Variants in CDKAL1 observed in about 807,000 individuals in gnomAD.
CDKAL1 encodes CDKAL1 threonylcarbamoyladenosine tRNA methylthiotransferase.
Under a neutral mutation model 68.2 loss-of-function variants are expected in CDKAL1, and 32 were observed. The ratio of observed to expected loss-of-function variants is 0.47; its 90% CI spans 0.35 to 0.63. CDKAL1 has a LOEUF of 0.63. CDKAL1 is among the 30% of genes least tolerant of loss of function. The pLI is 0.00. For missense variants in CDKAL1, 606 were observed against 696.7 expected (o/e 0.87, Z 1.47); for synonymous variants, 234 against 244.3 (o/e 0.96, Z 0.39).
At chr6:21,191,657 C>G (rs1778242538) in intron 13 of CDKAL1, among the ~76,000 whole-genome samples, 1 of 152,020 alleles carries the variant, frequency 6.6e-6, no homozygotes, top group Non-Finnish European at 1.5e-5. Flanking sequence ...CCTTAGTTCT[C>G]TCCCTGTGAA....
rs114325352 is a variant in CDKAL1 at position 21,230,844 on chromosome 6, A to T, written c.1549-4A>T. 1 of 1,597,742 alleles carries T rather than the reference A, an allele frequency of 6.3e-7. No individual in the cohort carries two copies. ...AATTTTTTCCTCTGTTTCTCTCTTT[A>T]TAGGACTTCAGAAATGGGCTTGGGA... On this transcript the variant is annotated splice_polypyrimidine_tract_variant and splice_region_variant and intron_variant, in intron 15 of 15. Coordinates refer to ENST00000274695, the MANE Select transcript of CDKAL1 (RefSeq NM_017774.3).
At chr6:20,659,406 C>CA (rs1166597612) in intron 5 of CDKAL1, among the ~76,000 whole-genome samples, 8 of 152,000 alleles carry the variant, frequency 5.3e-5, no homozygotes, top group Admixed American at 1.3e-4. Flanking sequence ...GTGCTTTTAC[C>CA]AGTCACAATC....
At chr6:20,736,830 T>A (rs1380028076) in intron 5 of CDKAL1, among the ~76,000 whole-genome samples, 1 of 151,904 alleles carries the variant, frequency 6.6e-6, no homozygotes, top group East Asian at 1.9e-4. Flanking sequence ...TTGCCTAGGG[T>A]ATTAAATTAA....
chr6:20,774,871 C>G (rs1384241322), intron 7 of CDKAL1, among the ~76,000 whole-genome samples: 1 of 152,126 alleles, frequency 6.6e-6, no homozygotes, highest in East Asian at 1.9e-4. Flanking sequence ...TAAATAACTG[C>G]TGAAAACCTC....
chr6:21,002,240 G>T (rs1284675866), intron 11 of CDKAL1, among the ~76,000 whole-genome samples: 1 of 152,160 alleles, frequency 6.6e-6, no homozygotes, highest in Non-Finnish European at 1.5e-5. Context: ...CTGAGTTATT[G>T]TGAGGCATCT....
At chr6:20,579,078 A>G (rs1237177319) in intron 4 of CDKAL1, among the ~76,000 whole-genome samples, 1 of 152,178 alleles carries the variant, frequency 6.6e-6, no homozygotes, top group Non-Finnish European at 1.5e-5. Context: ...CCTGGGTTCA[A>G]GCGATTCTCC....
chr6:20,708,404 C>T (rs1226769341), intron 5 of CDKAL1, among the ~76,000 whole-genome samples: 2 of 152,022 alleles, frequency 1.3e-5, no homozygotes, highest in Non-Finnish European at 2.9e-5. Context: ...AATTTCTATC[C>T]TTTTCTATGT....
At chr6:20,579,303 A>C (rs1002789658) in intron 4 of CDKAL1, among the ~76,000 whole-genome samples, 1 of 152,130 alleles carries the variant, frequency 6.6e-6, no homozygotes, top group Non-Finnish European at 1.5e-5. Flanking sequence ...CATAGAAGAA[A>C]GTTGCAAAAT....
At chr6:21,169,600 C>T (rs185884517) in intron 13 of CDKAL1, among the ~76,000 whole-genome samples, 144 of 152,334 alleles carry the variant, frequency 9.5e-4, no homozygotes, top group Non-Finnish European at 1.6e-3. Context: ...CGCACCACTA[C>T]ACCCCAGCCT....
intron 10 of CDKAL1, among the ~76,000 whole-genome samples, chr6:20,989,077 CCA>C (rs1322381725): frequency 2.0e-4 from 31 of 152,066 alleles, no homozygotes; most frequent in African/African-American, 7.2e-4. Flanking sequence ...TATACTACTC[CCA>C]CAGAGACAGA....
At chr6:21,191,072 A>G (rs1778218995) in intron 13 of CDKAL1, among the ~76,000 whole-genome samples, 1 of 152,370 alleles carries the variant, frequency 6.6e-6, no homozygotes, top group Admixed American at 6.5e-5. Flanking sequence ...TTTTGCAAGC[A>G]ACATTTCTTA....
chr6:20,845,640 G>A (rs1366035018), intron 8 of CDKAL1, among the ~76,000 whole-genome samples: 1 of 152,022 alleles, frequency 6.6e-6, no homozygotes, highest in African/African-American at 2.4e-5. Context: ...TATATCATTA[G>A]TTAAAAGTTA....
chr6:21,018,027 A>G (rs1768435721), intron 11 of CDKAL1, among the ~76,000 whole-genome samples: 2 of 152,156 alleles, frequency 1.3e-5, no homozygotes, highest in South Asian at 4.2e-4. Flanking sequence ...AGGGCTATCA[A>G]CCTCTATGCT....
intron 9 of CDKAL1, among the ~76,000 whole-genome samples, chr6:20,944,956 TC>T (rs1247373357): frequency 2.6e-5 from 4 of 152,146 alleles, no homozygotes; most frequent in Admixed American, 2.0e-4. Context: ...ATTCTTCCTT[TC>T]CTCAGGGCTG....
intron 4 of CDKAL1, among the ~76,000 whole-genome samples, chr6:20,638,933 A>G (rs1768035914): frequency 6.6e-6 from 1 of 152,012 alleles, no homozygotes; most frequent in Non-Finnish European, 1.5e-5. Flanking sequence ...CGCCCGGCCT[A>G]GGGATTCTCT....
chr6:20,967,642 G>C (rs146925241), intron 10 of CDKAL1, among the ~76,000 whole-genome samples: 1 of 152,244 alleles, frequency 6.6e-6, no homozygotes, highest in Non-Finnish European at 1.5e-5. Context: ...ATAAAAACAA[G>C]AGTTACAAAC....
intron 12 of CDKAL1, among the ~76,000 whole-genome samples, chr6:21,107,998 A>G (rs1349106101): frequency 1.3e-5 from 2 of 152,238 alleles, no homozygotes; most frequent in Non-Finnish European, 2.9e-5. Flanking sequence ...GTTTAAATGA[A>G]TGCATGTCTG....
At chr6:21,035,273 T>G (rs894845622) in intron 11 of CDKAL1, among the ~76,000 whole-genome samples, 8 of 152,122 alleles carry the variant, frequency 5.3e-5, no homozygotes, top group African/African-American at 1.7e-4. Flanking sequence ...CTGGGCCTGT[T>G]TAAAACCCCC....
intron 4 of CDKAL1, among the ~76,000 whole-genome samples, chr6:20,577,004 T>A (rs995363417): frequency 2.0e-5 from 3 of 152,242 alleles, no homozygotes; most frequent in Admixed American, 6.5e-5. Context: ...TTTTGTAGTG[T>A]ATTTTGAAAT....
Sources: gnomAD v4.1 joint callset for allele counts (sites outside exome capture counted in the v4.1 genomes callset) on GRCh38, gnomAD v4.1.1 for gene constraint, MANE v1.5 for transcripts, NCBI Gene and HGNC (gene_info 2026-07-23, HGNC 2026-07-21) for gene names.